UST: variants seen among roughly 807,000 people sequenced by gnomAD.
UST encodes the protein uronyl 2-sulfotransferase.
A neutral mutation model predicts 45.6 loss-of-function variants in UST; 21 were observed. That is an observed-to-expected ratio of 0.46 (90% CI 0.33 to 0.66). The LOEUF is 0.66. UST is among the 30% of genes least tolerant of loss of function. The pLI, the probability that UST is intolerant of heterozygous loss-of-function variation, is 0.02. For synonymous variants in UST, 215 were observed against 200.6 expected (o/e 1.07, Z -0.61); for missense variants, 463 against 512.4 (o/e 0.90, Z 0.93).
At chr6:148,881,181 T>C (rs1217490999) in intron 1 of UST, among the ~76,000 whole-genome samples, 1 of 152,122 alleles carries the variant, frequency 6.6e-6, no homozygotes, top group Admixed American at 6.5e-5. Flanking sequence ...AAAGCCACCT[T>C]TTGTCTCCTC....
At chr6:148,983,797 G>A (rs1250422355) in intron 5 of UST, among the ~76,000 whole-genome samples, 2 of 152,208 alleles carry the variant, frequency 1.3e-5, no homozygotes, top group African/African-American at 4.8e-5. Flanking sequence ...ATCTACTTCT[G>A]AAGACAGCCT....
chr6:148,956,290 T>C, intron 4 of UST: 1 of 161,188 alleles, frequency 6.2e-6, no homozygotes, highest in Non-Finnish European at 1.3e-5. Flanking sequence ...GGAAGAAAAA[T>C]AGGTTTAATT....
chr6:149,060,308 C>G (rs555983911), intron 7 of UST, among the ~76,000 whole-genome samples: 21 of 152,248 alleles, frequency 1.4e-4, no homozygotes, highest in Admixed American at 9.8e-4. Flanking sequence ...GCTTTTTGTT[C>G]TTTTCTCCCT....
At chr6:148,970,619 A>G (rs1780896398) in intron 5 of UST, among the ~76,000 whole-genome samples, 1 of 152,210 alleles carries the variant, frequency 6.6e-6, no homozygotes, top group Admixed American at 6.5e-5. Flanking sequence ...AACGAATGCC[A>G]GGCAGAGCCA....
chr6:149,004,238 C>T (rs943709481), intron 5 of UST, among the ~76,000 whole-genome samples: 7 of 152,120 alleles, frequency 4.6e-5, no homozygotes, highest in African/African-American at 1.7e-4. Flanking sequence ...GTAAAGTGGG[C>T]AGAGGAATAG....
chr6:148,861,225 G>T (rs1434076315), intron 1 of UST, among the ~76,000 whole-genome samples: 1 of 152,124 alleles, frequency 6.6e-6, no homozygotes, highest in African/African-American at 2.4e-5. Context: ...TTAGTCTTGG[G>T]GAGGGTGTAT....
At chr6:148,864,356 C>T (rs1778383776) in intron 1 of UST, among the ~76,000 whole-genome samples, 2 of 152,198 alleles carry the variant, frequency 1.3e-5, no homozygotes, top group Non-Finnish European at 2.9e-5. Flanking sequence ...ATTGGAAAAT[C>T]GCAGTATTAG....
chr6:148,855,302 T>C lies in UST; in HGVS notation c.248-31684T>C, dbSNP rs560974787. The stretch of plus-strand genomic sequence containing the variant: ...GTCATTGCTTTGCAGCCTACTTGCC[T>C]CGCCGGGGATTTGTTATCTCCTCTC... On this transcript the variant is annotated intron_variant, in intron 1 of 7. Transcript: ENST00000367463. Among the ~76,000 whole-genome samples, 7 of 152,350 alleles carry C rather than the reference T, an allele frequency of 4.6e-5. No individual in the cohort carries two copies. The East Asian group carries it at 1.2e-3, about 25-fold the overall frequency.
chr6:149,002,346 TA>T (rs1445805476), intron 5 of UST, among the ~76,000 whole-genome samples: 1 of 152,096 alleles, frequency 6.6e-6, no homozygotes, highest in Non-Finnish European at 1.5e-5. Flanking sequence ...TTAATCTCAC[TA>T]AAAGTAAATG....
chr6:148,988,737 C>A (rs1200128073), intron 5 of UST, among the ~76,000 whole-genome samples: 1 of 152,098 alleles, frequency 6.6e-6, no homozygotes, highest in African/African-American at 2.4e-5. Flanking sequence ...AATACTGTCC[C>A]ACCCTCCCCA....
Position 148,874,623 on chromosome 6 carries a change from A to T in UST, c.248-12363A>T, listed in dbSNP as rs550528173. 3.3e-5 allele frequency among the ~76,000 whole-genome samples: 5 copies of T among 152,300 alleles called. No individual in the cohort carries two copies. In the South Asian group the frequency reaches 1.0e-3, roughly 32 times the overall value. ...GCAGATATTTTTGTAAAAATATTTA[A>T]ATATTGATTGTTAATAAAGCCATTT... is the stretch of plus-strand genomic sequence containing the variant. On this transcript the variant is annotated intron_variant, in intron 1 of 7. Transcript: ENST00000367463.
At chr6:148,849,982 A>G (rs1301976723) in intron 1 of UST, among the ~76,000 whole-genome samples, 1 of 152,156 alleles carries the variant, frequency 6.6e-6, no homozygotes, top group African/African-American at 2.4e-5. Context: ...ATTATGTGCC[A>G]GATACTGTTC....
chr6:148,878,226 G>T (rs1778738035), intron 1 of UST, among the ~76,000 whole-genome samples: 1 of 131,296 alleles, frequency 7.6e-6, no homozygotes, highest in Non-Finnish European at 1.6e-5. Flanking sequence ...AGAGTGCGGG[G>T]GTCGTGTATG....
At chr6:149,001,408 G>A (rs1341054855) in intron 5 of UST, among the ~76,000 whole-genome samples, 1 of 152,270 alleles carries the variant, frequency 6.6e-6, no homozygotes, top group Admixed American at 6.5e-5. Flanking sequence ...TACACTGGGA[G>A]TACTGAACAG....
intron 5 of UST, chr6:148,993,138 G>A: frequency 1.1e-6 from 1 of 915,018 alleles, no homozygotes. Context: ...CTGAATGTCA[G>A]TAAGTTCGAT....
intron 7 of UST, among the ~76,000 whole-genome samples, chr6:149,063,212 AC>A (rs1447182577): frequency 6.6e-6 from 1 of 152,154 alleles, no homozygotes; most frequent in African/African-American, 2.4e-5. Context: ...TAAAGAAAAA[AC>A]AATCTCTATT....
chr6:148,853,953 A>C (rs898651591), intron 1 of UST, among the ~76,000 whole-genome samples: 1 of 152,234 alleles, frequency 6.6e-6, no homozygotes, highest in Non-Finnish European at 1.5e-5. Flanking sequence ...CTCCAGATAC[A>C]TAAGGACAAA....
chr6:149,027,922 C>T (rs1173904043), intron 7 of UST: 1 of 151,200 alleles, frequency 6.6e-6, no homozygotes, highest in Non-Finnish European at 1.5e-5. Flanking sequence ...CGGCTCACTG[C>T]AACCTCTGCC....
intron 5 of UST, chr6:148,990,347 G>A (rs1196363660): frequency 1.0e-6 from 1 of 969,776 alleles, no homozygotes; most frequent in African/African-American, 1.8e-5. Flanking sequence ...GATGCCATGA[G>A]ATCTTTCTTT....
Sources: allele counts gnomAD v4.1 joint callset (sites outside exome capture counted in the v4.1 genomes callset), GRCh38; gene constraint gnomAD v4.1.1; transcripts MANE v1.5; gene names NCBI Gene and HGNC (gene_info 2026-07-23, HGNC 2026-07-21).